ERC2: variants seen among roughly 807,000 people sequenced by gnomAD.
ERC2 encodes ELKS/RAB6-interacting/CAST family member 2.
Under a neutral mutation model 114.8 loss-of-function variants are expected in ERC2, and 42 were observed. The observed-to-expected ratio is 0.37, with a 90% confidence interval of 0.29 to 0.47. ERC2 has a LOEUF of 0.47. Ranked by LOEUF, ERC2 falls within the 20% of genes least tolerant of loss-of-function variation. The pLI, the probability that ERC2 is intolerant of heterozygous loss-of-function variation, is 0.99. For missense variants in ERC2, 939 were observed against 1,150.7 expected (o/e 0.82, Z 2.66); for synonymous variants, 454 against 425.5 (o/e 1.07, Z -0.82).
intron 6 of ERC2, among the ~76,000 whole-genome samples, chr3:56,086,311 C>A (rs1481722578): frequency 5.3e-5 from 8 of 152,082 alleles, no homozygotes; most frequent in Admixed American, 5.2e-4. Context: ...GCACGTTACT[C>A]AAACACCCAA....
chr3:55,772,524 G>C (rs1476595012), intron 14 of ERC2, among the ~76,000 whole-genome samples: 2 of 152,202 alleles, frequency 1.3e-5, no homozygotes, highest in Non-Finnish European at 2.9e-5. Context: ...CACCGCGTTA[G>C]CCAGGATGGT....
rs182189750 is a variant in ERC2, at chr3:55,668,281, C to G, written c.*39+15513G>C. 2.1e-3 allele frequency among the ~76,000 whole-genome samples: 313 copies of G among 152,190 alleles called. 1 individual carries two copies. Among genetic ancestry groups the G allele is most frequent in the Non-Finnish European group, 3.6e-3 (246 of 68,020 alleles). On this transcript the variant is annotated intron_variant, in intron 17 of 17. Transcript: ENST00000288221. Reference sequence around the variant, plus strand: ...CTAGCGGTGGCCACATAATACTGAACAAAGAACACGGAATGTGATGGGGAA... The same window carrying G: ...CTAGCGGTGGCCACATAATACTGAAGAAAGAACACGGAATGTGATGGGGAA...
chr3:55,644,485 G>A (rs2148662112), intron 17 of ERC2, among the ~76,000 whole-genome samples: 1 of 152,064 alleles, frequency 6.6e-6, no homozygotes, highest in South Asian at 2.1e-4. Flanking sequence ...ATTAACCTTG[G>A]GCAAGTCACC....
At chr3:55,841,239 C>T (rs2061118313) in intron 14 of ERC2, among the ~76,000 whole-genome samples, 1 of 152,138 alleles carries the variant, frequency 6.6e-6, no homozygotes, top group African/African-American at 2.4e-5. Flanking sequence ...CCATAATTCC[C>T]ATGCGTTCCA....
At chr3:56,015,574 G>A in intron 8 of ERC2, among the ~76,000 whole-genome samples, 1 of 152,100 alleles carries the variant, frequency 6.6e-6, no homozygotes, top group Non-Finnish European at 1.5e-5. Context: ...GTATTCCATG[G>A]TATATATGTA....
At chr3:56,043,126 T>C (rs372611303) in intron 7 of ERC2, among the ~76,000 whole-genome samples, 1 of 152,142 alleles carries the variant, frequency 6.6e-6, no homozygotes. Flanking sequence ...ACTCCTAATA[T>C]AGTGTAAAGT....
intron 6 of ERC2, among the ~76,000 whole-genome samples, chr3:56,112,044 TAAAAC>T (rs552463387): frequency 7.2e-4 from 110 of 152,238 alleles, no homozygotes; most frequent in Non-Finnish European, 1.3e-3. Context: ...TGAAACATCT[TAAAAC>T]TAACTAAAAA....
At chr3:55,512,383 G>C (rs1402046127) in intron 17 of ERC2, among the ~76,000 whole-genome samples, 1 of 152,196 alleles carries the variant, frequency 6.6e-6, no homozygotes, top group African/African-American at 2.4e-5. Context: ...TCCTAGAGCA[G>C]ATCATATTAC....
At chr3:56,369,693 T>G (rs940725235) in intron 2 of ERC2, among the ~76,000 whole-genome samples, 2 of 152,166 alleles carry the variant, frequency 1.3e-5, no homozygotes, top group African/African-American at 4.8e-5. Context: ...TTTTTTTTTT[T>G]TTGAGACGGA....
intron 15 of ERC2, among the ~76,000 whole-genome samples, chr3:55,721,140 C>T (rs376382353): frequency 1.2e-3 from 182 of 152,304 alleles, no homozygotes; most frequent in African/African-American, 4.1e-3. Flanking sequence ...GATGGGAAAG[C>T]AAATGGGCAG....
intron 17 of ERC2, among the ~76,000 whole-genome samples, chr3:55,620,527 T>A (rs572761243): frequency 6.6e-6 from 1 of 152,180 alleles, no homozygotes. Flanking sequence ...CATAAACACA[T>A]AGGTTTTCAC....
At chr3:55,963,887 C>T (rs188613249) in intron 12 of ERC2, among the ~76,000 whole-genome samples, 52 of 152,336 alleles carry the variant, frequency 3.4e-4, no homozygotes, top group Admixed American at 7.2e-4. Context: ...ACAGCCAAGG[C>T]AGCCTATAAG....
At chr3:55,652,859 C>CAAA (rs3059334) in intron 17 of ERC2, among the ~76,000 whole-genome samples, 16 of 74,372 alleles carry the variant, frequency 2.2e-4, no homozygotes, top group African/African-American at 7.1e-4. Flanking sequence ...GACTCTGTCT[C>CAAA]AAAAAAAAAA....
intron 17 of ERC2, among the ~76,000 whole-genome samples, chr3:55,524,144 G>A (rs1322677777): frequency 6.6e-6 from 1 of 152,216 alleles, no homozygotes; most frequent in African/African-American, 2.4e-5. Context: ...TATAACAGGA[G>A]TGCAATGAGA....
intron 3 of ERC2, among the ~76,000 whole-genome samples, chr3:56,214,500 A>G (rs142721549): frequency 6.8e-4 from 104 of 152,314 alleles, no homozygotes; most frequent in Middle Eastern, 3.4e-3. Flanking sequence ...ATGTGAAAAG[A>G]CCAAATCTAC....
intron 17 of ERC2, among the ~76,000 whole-genome samples, chr3:55,640,794 T>C (rs185308546): frequency 1.6e-3 from 245 of 152,326 alleles, no homozygotes; most frequent in Non-Finnish European, 2.8e-3. Flanking sequence ...CAACAAGCCC[T>C]GTAGGAGACG....
intron 13 of ERC2, among the ~76,000 whole-genome samples, chr3:55,894,837 T>C (rs1245585507): frequency 6.6e-6 from 1 of 152,222 alleles, no homozygotes; most frequent in African/African-American, 2.4e-5. Flanking sequence ...ACATGGGCAA[T>C]GCTCTCAGCA....
At chr3:55,852,420 A>C (rs1031709657) in intron 14 of ERC2, 1 of 154,806 alleles carries the variant, frequency 6.5e-6, no homozygotes, top group Non-Finnish European at 1.5e-5. Context: ...ACCAAATGTC[A>C]CATAGCCACT....
intron 6 of ERC2, among the ~76,000 whole-genome samples, chr3:56,130,114 A>G (rs2080116703): frequency 6.6e-6 from 1 of 152,200 alleles, no homozygotes; most frequent in African/African-American, 2.4e-5. Flanking sequence ...GAGTACTGTA[A>G]AATATCATTA....
Sources: gnomAD v4.1 joint callset for allele counts (sites outside exome capture counted in the v4.1 genomes callset) on GRCh38, gnomAD v4.1.1 for gene constraint, MANE v1.5 for transcripts, NCBI Gene and HGNC (gene_info 2026-07-23, HGNC 2026-07-21) for gene names.